GRM1: variants seen among roughly 807,000 people sequenced by gnomAD.
GRM1 encodes the protein glutamate metabotropic receptor 1, also known as metabotropic glutamate receptor 1.
In GRM1, 33 loss-of-function variants were observed where a neutral mutation model predicts 90.9. The observed-to-expected ratio is 0.36, with a 90% CI of 0.28 to 0.49. The LOEUF is 0.49. Among genes scored for constraint, GRM1 ranks in the 20% least tolerant of loss-of-function variants. The pLI, the probability that GRM1 is intolerant of heterozygous loss-of-function variation, is 0.99. For missense variants in GRM1, 1,190 were observed against 1,534.3 expected, an observed-to-expected ratio of 0.78 and a Z score of 3.75; for synonymous variants, 700 against 613.2, an observed-to-expected ratio of 1.14 and a Z score of -2.09.
intron 1 of GRM1, among the ~76,000 whole-genome samples, chr6:146,143,469 T>A (rs771484018): frequency 1.6e-4 from 24 of 152,204 alleles, no homozygotes; most frequent in Non-Finnish European, 2.9e-4. Context: ...GGGCAGTATG[T>A]CTTTCTGTTA....
chr6:146,360,320 T>C (rs1775420382), intron 5 of GRM1, among the ~76,000 whole-genome samples: 1 of 152,068 alleles, frequency 6.6e-6, no homozygotes, highest in Non-Finnish European at 1.5e-5. Context: ...TTTAGAATTA[T>C]AAATATATCT....
intron 3 of GRM1, among the ~76,000 whole-genome samples, chr6:146,321,665 T>A (rs1468084969): frequency 6.6e-6 from 1 of 152,076 alleles, no homozygotes; most frequent in Non-Finnish European, 1.5e-5. Context: ...ATTGGGTGCA[T>A]ATTTAGGATA....
At chr6:146,065,669 G>T (rs1453055920) in intron 1 of GRM1, among the ~76,000 whole-genome samples, 1 of 152,142 alleles carries the variant, frequency 6.6e-6, no homozygotes, top group Non-Finnish European at 1.5e-5. Flanking sequence ...TAGAAGCAGG[G>T]TAGACCCCTC....
At chr6:146,176,027 T>C (rs558634325) in intron 2 of GRM1, among the ~76,000 whole-genome samples, 1 of 152,070 alleles carries the variant, frequency 6.6e-6, no homozygotes, top group Non-Finnish European at 1.5e-5. Context: ...GATTAAATAA[T>C]AAAATATAAT....
At chr6:146,056,087 A>G (rs951269560) in intron 1 of GRM1, among the ~76,000 whole-genome samples, 4 of 152,142 alleles carry the variant, frequency 2.6e-5, no homozygotes, top group South Asian at 2.1e-4. Context: ...ATTAGAACTC[A>G]TATTTCTCAT....
At chr6:146,309,819 A>C (rs1036691049) in intron 3 of GRM1, among the ~76,000 whole-genome samples, 15 of 152,298 alleles carry the variant, frequency 9.8e-5, no homozygotes, top group African/African-American at 3.6e-4. Context: ...TAACTTGATA[A>C]ATTTGGGGTC....
intron 2 of GRM1, among the ~76,000 whole-genome samples, chr6:146,207,892 G>T (rs145019469): frequency 6.6e-6 from 1 of 152,058 alleles, no homozygotes; most frequent in African/African-American, 2.4e-5. Context: ...TGTAAAAGTC[G>T]CACCTAGTAC....
intron 7 of GRM1, among the ~76,000 whole-genome samples, chr6:146,410,247 A>G (rs1463824335): frequency 6.6e-6 from 1 of 152,122 alleles, no homozygotes. Context: ...AGGTTTTTAT[A>G]ATTCAGTCCT....
chr6:146,221,417 A>G lies in GRM1; in HGVS notation c.950+61820A>G, dbSNP rs571783639. ...GTGTCCATGTGTTCTCATTGTTCAA[A>G]TCCCACTTATGAGTGAGAACATGCA... On this transcript the variant is annotated intron_variant, in intron 2 of 7. Transcript: ENST00000282753. Among the ~76,000 whole-genome samples the G allele has an allele frequency of 1.8e-4, 27 of 151,982 alleles. 1 individual carries two copies. In the South Asian group the frequency reaches 5.4e-3, roughly 30 times the overall value.
chr6:146,183,760 C>T (rs73573191), intron 2 of GRM1, among the ~76,000 whole-genome samples: 8,095 of 152,152 alleles, frequency 0.053, 707 homozygotes, highest in African/African-American at 0.18. Context: ...AGGTACATTT[C>T]TCTCCTTCAT....
chr6:146,230,843 T>A (rs1270693152), intron 2 of GRM1, among the ~76,000 whole-genome samples: 1 of 152,102 alleles, frequency 6.6e-6, no homozygotes, highest in Non-Finnish European at 1.5e-5. Context: ...AAATAAGCTA[T>A]CAAGCCATCA....
At chr6:146,160,817 C>T (rs181732351) in intron 2 of GRM1, among the ~76,000 whole-genome samples, 1 of 152,214 alleles carries the variant, frequency 6.6e-6, no homozygotes, top group Non-Finnish European at 1.5e-5. Flanking sequence ...AACAGAGATA[C>T]TCTCCAAGCA....
intron 1 of GRM1, among the ~76,000 whole-genome samples, chr6:146,063,296 C>G (rs1775734783): frequency 6.6e-6 from 1 of 152,182 alleles, no homozygotes; most frequent in Non-Finnish European, 1.5e-5. Flanking sequence ...AATGGGTTAA[C>G]AGAACTGTGA....
At chr6:146,041,573 T>A (rs1295476835) in intron 1 of GRM1, among the ~76,000 whole-genome samples, 2 of 151,888 alleles carry the variant, frequency 1.3e-5, no homozygotes, top group Non-Finnish European at 2.9e-5. Flanking sequence ...TCTCTGCTGT[T>A]TGGGAGGCTG....
At chr6:146,186,215 T>G (rs1173609436) in intron 2 of GRM1, among the ~76,000 whole-genome samples, 1 of 151,784 alleles carries the variant, frequency 6.6e-6, no homozygotes, top group African/African-American at 2.4e-5. Context: ...TGACCTCAAG[T>G]GATTCACCCA....
rs552304870 is a variant in GRM1 at position 146,119,292 on chromosome 6, G to T, written c.701-40056G>T. 2.0e-3 allele frequency among the ~76,000 whole-genome samples: 309 copies of T among 152,152 alleles called. 2 individuals are homozygous for T. The highest frequency in any genetic ancestry group is 7.2e-3 in the African/African-American group (297 of 41,538). ...TGCCCACTTTTTGATGGGGTTGTTT[G>T]TTTTTTTCTTGTAAATTTGTTTGAG... On this transcript the variant is annotated intron_variant, in intron 1 of 7. Coordinates refer to ENST00000282753, the MANE Select transcript of GRM1 (RefSeq NM_001278064.2).
At chr6:146,033,474 T>C (rs1443060390) in intron 1 of GRM1, among the ~76,000 whole-genome samples, 1 of 152,180 alleles carries the variant, frequency 6.6e-6, no homozygotes, top group Non-Finnish European at 1.5e-5. Flanking sequence ...AATAAAAATG[T>C]TCTTTGAGTA....
chr6:146,424,816 CT>C (rs1778137855), intron 7 of GRM1, among the ~76,000 whole-genome samples: 1 of 152,168 alleles, frequency 6.6e-6, no homozygotes, highest in Non-Finnish European at 1.5e-5. Flanking sequence ...TATTTTCTAT[CT>C]TCTTTCATGA....
chr6:146,095,814 G>A (rs1471085474), intron 1 of GRM1, among the ~76,000 whole-genome samples: 2 of 152,134 alleles, frequency 1.3e-5, no homozygotes, highest in Non-Finnish European at 2.9e-5. Context: ...ATACTCTAAG[G>A]TTGGAGGGAG....
Sources: allele counts gnomAD v4.1 joint callset (sites outside exome capture counted in the v4.1 genomes callset), GRCh38; gene constraint gnomAD v4.1.1; transcripts MANE v1.5; gene names NCBI Gene and HGNC (gene_info 2026-07-23, HGNC 2026-07-21).